The following RBFOX1 variants were observed in gnomAD, a reference collection of about 807,000 sequenced individuals.
RBFOX1 encodes the protein RNA binding protein fox-1 homolog 1.
RBFOX1 carries 8 observed loss-of-function variants against 57.7 expected under a neutral mutation model. The observed-to-expected ratio is 0.14, with a 90% CI of 0.08 to 0.25. The LOEUF (loss-of-function observed/expected upper bound fraction) is 0.25, where lower values mean the gene tolerates loss of function less well. RBFOX1 is among the 10% of genes least tolerant of loss of function. The pLI, the probability that RBFOX1 is intolerant of heterozygous loss-of-function variation, is 1.00. For missense variants in RBFOX1, 611 were observed against 548.5 expected, an observed-to-expected ratio of 1.11 and a Z score of -1.14; for synonymous variants, 326 against 222.4, an observed-to-expected ratio of 1.47 and a Z score of -4.15.
intron 3 of RBFOX1, among the ~76,000 whole-genome samples, chr16:6,926,284 G>A (rs752439747): frequency 6.6e-6 from 1 of 152,070 alleles, no homozygotes; most frequent in Non-Finnish European, 1.5e-5. Flanking sequence ...TACAGCCTGG[G>A]CAACAGAGCA....
intron 4 of RBFOX1, among the ~76,000 whole-genome samples, chr16:5,883,884 C>G (rs2057829866): frequency 6.6e-6 from 1 of 152,112 alleles, no homozygotes; most frequent in African/African-American, 2.4e-5. Context: ...GGTAGGAACC[C>G]TGATATTTCT....
intron 3 of RBFOX1, among the ~76,000 whole-genome samples, chr16:5,651,695 G>A (rs1395107614): frequency 2.6e-5 from 4 of 152,226 alleles, no homozygotes; most frequent in South Asian, 2.1e-4. Flanking sequence ...AACTGATTCC[G>A]CATGGATACC....
intron 4 of RBFOX1, among the ~76,000 whole-genome samples, chr16:7,325,267 G>A (rs2096596705): frequency 6.6e-6 from 1 of 152,202 alleles, no homozygotes; most frequent in African/African-American, 2.4e-5. Flanking sequence ...GGCTACTCGT[G>A]ATATTCTTAT....
intron 4 of RBFOX1, among the ~76,000 whole-genome samples, chr16:7,146,636 A>G (rs1257325181): frequency 1.3e-5 from 2 of 152,106 alleles, no homozygotes; most frequent in Non-Finnish European, 2.9e-5. Context: ...AGAAACTCAG[A>G]ACCCAGCAGA....
chr16:5,670,629 C>G (rs148078533), intron 3 of RBFOX1, among the ~76,000 whole-genome samples: 2 of 152,358 alleles, frequency 1.3e-5, no homozygotes, highest in African/African-American at 4.8e-5. Context: ...ATCCTACACT[C>G]ATACACATTT....
chr16:7,504,772 TATATATATATATATTTATATATATATATA>T (rs1567554928), intron 4 of RBFOX1, among the ~76,000 whole-genome samples: 212 of 7,568 alleles, frequency 0.028, 13 homozygotes, highest in Non-Finnish European at 0.064. Context: ...TATATATATT[TATATATATATATATTTATATATATATATA>T]TTTATATATA....
chr16:5,384,086 G>C lies in RBFOX1; in HGVS notation c.220-83130G>C, dbSNP rs542579311. 3.3e-5 allele frequency among the ~76,000 whole-genome samples: 5 copies of C among 152,294 alleles called. No individual in the cohort carries two copies. In the East Asian group the frequency reaches 9.6e-4, roughly 29 times the overall value. ...CTGCAGAAATGAGTCTATGTGTCCA[G>C]GCCACTCCGTCAGGAGTCTTGGGGT... On this transcript the variant is annotated intron_variant, in intron 1 of 2. Coordinates refer to the RBFOX1 transcript ENST00000585867.
intron 2 of RBFOX1, among the ~76,000 whole-genome samples, chr16:6,636,417 G>A (rs541612357): frequency 2.6e-5 from 4 of 151,010 alleles, no homozygotes; most frequent in South Asian, 2.1e-4. Context: ...TGATCAGCCC[G>A]GCTCGGCCTC....
intron 2 of RBFOX1, among the ~76,000 whole-genome samples, chr16:6,599,878 C>G (rs2097828436): frequency 6.6e-6 from 1 of 152,210 alleles, no homozygotes; most frequent in African/African-American, 2.4e-5. Context: ...GCAACTAGAA[C>G]AGCACCCTGC....
chr16:6,573,729 G>C (rs2097378540), intron 2 of RBFOX1: 2 of 152,276 alleles, frequency 1.3e-5, no homozygotes, highest in Admixed American at 1.3e-4. Context: ...TGGTAGAGAA[G>C]GCACGGGCGC....
chr16:6,278,180 ACT>A (rs1326130746), intron 1 of RBFOX1, among the ~76,000 whole-genome samples: 2 of 152,122 alleles, frequency 1.3e-5, no homozygotes, highest in African/African-American at 2.4e-5. Flanking sequence ...GCAGGCAGGT[ACT>A]TTGTGACCAC....
chr16:7,473,899 C>G (rs571881328), intron 4 of RBFOX1, among the ~76,000 whole-genome samples: 2 of 152,174 alleles, frequency 1.3e-5, no homozygotes, highest in African/African-American at 2.4e-5. Context: ...AGCTCTCAAA[C>G]TTTTTGTAAC....
At chr16:7,256,007 T>C (rs1242710586) in intron 4 of RBFOX1, among the ~76,000 whole-genome samples, 1 of 152,234 alleles carries the variant, frequency 6.6e-6, no homozygotes, top group Non-Finnish European at 1.5e-5. Flanking sequence ...TCCTTTTGTC[T>C]TATTTGCATT....
chr16:6,605,730 T>TG, intron 2 of RBFOX1, among the ~76,000 whole-genome samples: 1 of 152,186 alleles, frequency 6.6e-6, no homozygotes, highest in South Asian at 2.1e-4. Context: ...CAGGAGAGAT[T>TG]CAGTCCGTGT....
At chr16:6,850,229 T>A (rs2093992141) in intron 3 of RBFOX1, among the ~76,000 whole-genome samples, 1 of 152,156 alleles carries the variant, frequency 6.6e-6, no homozygotes, top group South Asian at 2.1e-4. Context: ...ATTCCTCTTT[T>A]GGGGCGTAAA....
intron 1 of RBFOX1, among the ~76,000 whole-genome samples, chr16:5,321,048 G>C (rs545143108): frequency 3.3e-5 from 5 of 152,234 alleles, no homozygotes; most frequent in Admixed American, 2.0e-4. Flanking sequence ...CTTGGACTTA[G>C]GTCTCAGGGA....
chr16:6,202,974 C>G (rs1052857206), intron 1 of RBFOX1, among the ~76,000 whole-genome samples: 3 of 151,942 alleles, frequency 2.0e-5, no homozygotes, highest in African/African-American at 7.2e-5. Flanking sequence ...GGGGTTCTCA[C>G]TTTGTTGCCA....
At position 7,271,917 on chromosome 16, in the gene RBFOX1, G is replaced by C. The variant is rs1248169064; in HGVS notation, c.27+219819G>C. On this transcript the variant is annotated intron_variant, in intron 4 of 15. Transcript: ENST00000550418. ...TTAGTTGACATCCATGAGTGCCCCAGTCCTGCTGGAAATATCCCCTCAGGC... is the reference window on the plus strand; with the variant it reads ...TTAGTTGACATCCATGAGTGCCCCACTCCTGCTGGAAATATCCCCTCAGGC... 2.0e-5 allele frequency among the ~76,000 whole-genome samples: 3 copies of C among 152,022 alleles called. No individual in the cohort carries two copies. The East Asian group carries it at 5.8e-4, about 29-fold the overall frequency.
chr16:5,960,618 A>C lies in RBFOX1; in HGVS notation c.351+93283A>C, dbSNP rs142062806. Among the ~76,000 whole-genome samples the C allele has an allele frequency of 1.5e-3, 227 of 152,162 alleles. 1 individual carries two copies. Among genetic ancestry groups the C allele is most frequent in the African/African-American group, 5.2e-3 (217 of 41,512 alleles). On this transcript the variant is annotated intron_variant, in intron 4 of 19. Transcript: ENST00000641259. ...GATTCATGCCGTTCACAGAGCAGTC[A>C]TATCTCCGAAACCTCTAGCTCCTCA...
Sources: allele counts gnomAD v4.1 joint callset (sites outside exome capture counted in the v4.1 genomes callset), GRCh38; gene constraint gnomAD v4.1.1; transcripts MANE v1.5; gene names NCBI Gene and HGNC (gene_info 2026-07-23, HGNC 2026-07-21).